PSORS1C1: variants seen among roughly 807,000 people sequenced by gnomAD.
The protein encoded by PSORS1C1 is psoriasis susceptibility 1 candidate 1.
In PSORS1C1, 7 loss-of-function variants were observed where a neutral mutation model predicts 9.4. The observed-to-expected ratio is 0.75, with a 90% CI of 0.42 to 1.40. The LOEUF is 1.40. Ranked by LOEUF, PSORS1C1 falls within the 40% of genes most tolerant of loss-of-function variation. PSORS1C1 has a pLI of 0.01. For missense variants in PSORS1C1, 146 were observed against 178.1 expected, an observed-to-expected ratio of 0.82 and a Z score of 1.02; for synonymous variants, 63 against 69.4, an observed-to-expected ratio of 0.91 and a Z score of 0.46.
Position 31,115,698 on chromosome 6 carries a change from G to A in PSORS1C1, c.-229+807G>A. ...TTTCCCAGTTGAGAAGCTGATGGGGGTGTTACTCAATGGACCATTTCCACA... is the reference window on the plus strand; with the variant it reads ...TTTCCCAGTTGAGAAGCTGATGGGGATGTTACTCAATGGACCATTTCCACA... On this transcript the variant is annotated intron_variant, in intron 1 of 5. Transcript: ENST00000259881. This position sits in a 1 kb window ranked among gnomAD's most constrained non-coding sequence, Gnocchi z 4.2. 1 of 384,514 alleles carries A rather than the reference G, an allele frequency of 2.6e-6. No individual in the cohort carries two copies. Among genetic ancestry groups the A allele is most frequent in the East Asian group, 4.0e-5 (1 of 24,898 alleles). 23.8% of individuals were successfully genotyped at this position (384,514 alleles called of 1,614,324 possible). A position where few individuals can be genotyped will look rare whatever the true frequency, so the allele number is the denominator to read the frequency against.
intron 1 of PSORS1C1, among the ~76,000 whole-genome samples, chr6:31,123,492 A>C (rs949894126): frequency 6.6e-6 from 1 of 152,238 alleles, no homozygotes; most frequent in Non-Finnish European, 1.5e-5. Context: ...TGACGTCCAC[A>C]GTAGTGCAGG....
chr6:31,119,677 T>C (rs546633897), intron 1 of PSORS1C1, among the ~76,000 whole-genome samples: 1 of 152,272 alleles, frequency 6.6e-6, no homozygotes, highest in East Asian at 1.9e-4. Context: ...GGCGAGCGGA[T>C]CACTTGAGTC....
chr6:31,126,648 C>T (rs1366775108), intron 2 of PSORS1C1, among the ~76,000 whole-genome samples: 1 of 152,244 alleles, frequency 6.6e-6, no homozygotes, highest in African/African-American at 2.4e-5. Context: ...CAGCCTCCGA[C>T]GGGCCCAGGG....
rs910713730 is a variant in PSORS1C1, at chr6:31,117,608, C to T, written c.-229+2717C>T. The T allele has an allele frequency of 2.5e-5, 31 of 1,231,892 alleles. No individual in the cohort carries two copies. The East Asian group carries it at 3.8e-4, about 15-fold the overall frequency. The allele number at this position is 1,231,892 out of a possible 1,614,324, so 76.3% of individuals were successfully genotyped here. ...CACCTTTCTGCCTTATCTCAGTCAT[C>T]GGCCTCTCGGGTTTCTCCCAAGCAG... On this transcript the variant is annotated intron_variant, in intron 1 of 5. Coordinates refer to ENST00000259881, the MANE Select transcript of PSORS1C1 (RefSeq NM_014068.3).
At chr6:31,138,277 G>A (rs1268454453) in intron 3 of PSORS1C1, 153 bp from the exon 4 acceptor site, 5 of 1,583,734 alleles carry the variant, frequency 3.2e-6, no homozygotes, top group Non-Finnish European at 3.4e-6. Context: ...GCGGGTGGGT[G>A]AGAGGGGTGG....
Position 31,139,282 on chromosome 6 carries a change from A to C in PSORS1C1, c.168-359A>C. ...CATGACCCAGAGCCTGCGTCACCCC[A>C]CCCTGGTTTTCACACCCTCCATCCA... On this transcript the variant is annotated intron_variant, in intron 5 of 5. Transcript: ENST00000259881. The surrounding 1 kb of genome is among the most constrained non-coding windows in gnomAD (Gnocchi z 5.2). 2 of 578,284 alleles carry C rather than the reference A, an allele frequency of 3.5e-6. No homozygotes were observed. The highest frequency in any genetic ancestry group is 3.1e-6 in the Non-Finnish European group (1 of 325,384). The allele number at this position is 578,284 out of a possible 1,614,324, so 35.8% of individuals were successfully genotyped here.
chr6:31,127,042 G>A (rs1772711959), intron 2 of PSORS1C1, among the ~76,000 whole-genome samples: 1 of 152,196 alleles, frequency 6.6e-6, no homozygotes, highest in Non-Finnish European at 1.5e-5. Flanking sequence ...CTGTTAAATA[G>A]TCATTCTTTC....
chr6:31,137,004 C>T (rs1217260330), intron 3 of PSORS1C1, among the ~76,000 whole-genome samples: 1 of 151,208 alleles, frequency 6.6e-6, no homozygotes, highest in Non-Finnish European at 1.5e-5. Flanking sequence ...AAAAATTAGC[C>T]GGGCATGGTG....
intron 1 of PSORS1C1, chr6:31,117,518 T>C: frequency 6.4e-7 from 1 of 1,550,524 alleles, no homozygotes; most frequent in Non-Finnish European, 8.7e-7. Context: ...CCAATGCTCT[T>C]AGCCAAGGTC....
At chr6:31,138,258 C>G in intron 3 of PSORS1C1, 172 bp from the exon 4 acceptor site, 1 of 1,570,900 alleles carries the variant, frequency 6.4e-7, no homozygotes, top group Non-Finnish European at 8.6e-7. Flanking sequence ...TGCCTCCTCT[C>G]GGTCCTCTGC....
At chr6:31,136,673 T>C (rs1773154554) in intron 3 of PSORS1C1, among the ~76,000 whole-genome samples, 1 of 152,162 alleles carries the variant, frequency 6.6e-6, no homozygotes, top group Non-Finnish European at 1.5e-5. Context: ...TTCTTTAATA[T>C]AGTGTTCTCA....
chr6:31,125,483 C>G (rs1023885864), intron 1 of PSORS1C1, among the ~76,000 whole-genome samples, 193 bp from the exon 2 acceptor site: 7 of 152,156 alleles, frequency 4.6e-5, no homozygotes, highest in Non-Finnish European at 8.8e-5. Flanking sequence ...CACCTGGTTC[C>G]TCTGGTGACC....
intron 3 of PSORS1C1, chr6:31,137,970 G>A (rs754151744): frequency 6.7e-7 from 1 of 1,498,910 alleles, no homozygotes; most frequent in South Asian, 1.4e-5. Context: ...CTCTTCCCGG[G>A]GTGGGTCTAG....
At chr6:31,135,227 T>C (rs6917009) in intron 3 of PSORS1C1, among the ~76,000 whole-genome samples, 3 of 152,146 alleles carry the variant, frequency 2.0e-5, no homozygotes, top group Non-Finnish European at 2.9e-5. Context: ...TCACTATTTA[T>C]GTATTTATTT....
At chr6:31,121,739 T>C (rs1772473178) in intron 1 of PSORS1C1, among the ~76,000 whole-genome samples, 1 of 152,208 alleles carries the variant, frequency 6.6e-6, no homozygotes, top group Non-Finnish European at 1.5e-5. Context: ...GCCTGGTCTC[T>C]CCCATTCCCT....
In PSORS1C1 at chr6:31,116,257, C is replaced by T. The variant is rs117951780; in HGVS notation, c.-229+1366C>T. On this transcript the variant is annotated intron_variant, in intron 1 of 5. Coordinates refer to ENST00000259881, the MANE Select transcript of PSORS1C1 (RefSeq NM_014068.3). ...AGACATGCAAGGGTGACCAGAAGAGCTGGACTTGCTGCCACAAGGCTGAAG... is the reference window on the plus strand; with the variant it reads ...AGACATGCAAGGGTGACCAGAAGAGTTGGACTTGCTGCCACAAGGCTGAAG... The T allele has an allele frequency of 0.012, 20,143 of 1,614,052 alleles. 596 individuals are homozygous for T. Among genetic ancestry groups the T allele is most frequent in the South Asian group, 0.072 (6,530 of 91,054 alleles).
intron 3 of PSORS1C1, among the ~76,000 whole-genome samples, chr6:31,135,494 G>A (rs1171043297): frequency 6.6e-6 from 1 of 152,158 alleles, no homozygotes; most frequent in Non-Finnish European, 1.5e-5. Context: ...TGGGATTACA[G>A]GCGTGAGCCA....
chr6:31,132,573 G>A (rs1224307744), intron 3 of PSORS1C1, among the ~76,000 whole-genome samples: 1 of 151,864 alleles, frequency 6.6e-6, no homozygotes, highest in Non-Finnish European at 1.5e-5. Flanking sequence ...GAGGGGACTG[G>A]GCATGATGGC....
intron 1 of PSORS1C1, among the ~76,000 whole-genome samples, chr6:31,121,436 G>C (rs545082189): frequency 3.3e-5 from 5 of 152,316 alleles, no homozygotes; most frequent in African/African-American, 1.2e-4. Context: ...GCAGGCTCCC[G>C]GGTCCTCAAA....
Sources: allele counts gnomAD v4.1 joint callset (sites outside exome capture counted in the v4.1 genomes callset), GRCh38; gene constraint gnomAD v4.1.1; non-coding constraint Gnocchi (gnomAD v3.1); transcripts MANE v1.5; gene names NCBI Gene and HGNC (gene_info 2026-07-23, HGNC 2026-07-21).